TBC1D32: variants seen among roughly 807,000 people sequenced by gnomAD.
TBC1D32 encodes the protein TBC1 domain family member 32.
In TBC1D32, 151 loss-of-function variants were observed where a neutral mutation model predicts 170.3. The ratio of observed to expected loss-of-function variants is 0.89; its 90% CI spans 0.78 to 1.01. The LOEUF (loss-of-function observed/expected upper bound fraction) is 1.01. Ranked by LOEUF, TBC1D32 falls within the 50% of genes least tolerant of loss-of-function variation. TBC1D32 has a pLI of 0.00. For synonymous variants in TBC1D32, 498 were observed against 488.0 expected (o/e 1.02, Z -0.27); for missense variants, 1,464 against 1,457.1 (o/e 1.00, Z -0.08).
chr6:121,118,519 T>A (rs1176417748), intron 26 of TBC1D32, among the ~76,000 whole-genome samples: 1 of 152,194 alleles, frequency 6.6e-6, no homozygotes, highest in Non-Finnish European at 1.5e-5. Flanking sequence ...CTGTTTTTGG[T>A]TTGCAAAGCT....
Position 121,256,240 on chromosome 6 carries a change from G to A in TBC1D32, c.1779C>T (p.Leu593=), listed in dbSNP as rs370038365. ...CAGAAAATATAGAAATATCTTCATC[G>A]AGAAGTTTTTTCGAAAACTGGGCAA... is the stretch of plus-strand genomic sequence containing the variant. The part of the protein sequence containing the change: ...HIIAQFSKKL[L]DEDISIFSGS... The change falls in exon 16 of 32, where the codon CTC becomes CTT. Residue 593 remains leucine, a synonymous_variant. Transcript: ENST00000398212. 3.2e-5 allele frequency: 51 copies of A among 1,613,410 alleles called. No homozygotes were observed. The highest frequency in any genetic ancestry group is 6.7e-5 in the African/African-American group (5 of 74,848).
At chr6:121,193,955 T>C (rs1026714908) in intron 22 of TBC1D32, among the ~76,000 whole-genome samples, 3 of 152,144 alleles carry the variant, frequency 2.0e-5, no homozygotes, top group African/African-American at 7.2e-5. Flanking sequence ...TGAATATTTC[T>C]CCCATCCTTC....
At chr6:121,208,339 G>T (rs1792563706) in intron 21 of TBC1D32, among the ~76,000 whole-genome samples, 1 of 152,082 alleles carries the variant, frequency 6.6e-6, no homozygotes, top group East Asian at 1.9e-4. Flanking sequence ...TGCAATCATG[G>T]TGGAGGGGAA....
intron 21 of TBC1D32, among the ~76,000 whole-genome samples, chr6:121,219,052 A>T (rs1474629766): frequency 6.6e-6 from 1 of 152,166 alleles, no homozygotes. Context: ...GTTCCATTAC[A>T]TTAGGGAATT....
chr6:121,111,524 A>G (rs1433836130), intron 29 of TBC1D32, among the ~76,000 whole-genome samples: 2 of 152,174 alleles, frequency 1.3e-5, no homozygotes, highest in Non-Finnish European at 2.9e-5. Flanking sequence ...ATTCTGGTTA[A>G]CAGCAGGAAA....
At chr6:121,099,012 C>A (rs1169216189) in intron 30 of TBC1D32, among the ~76,000 whole-genome samples, 3 of 151,946 alleles carry the variant, frequency 2.0e-5, no homozygotes, top group Non-Finnish European at 4.4e-5. Flanking sequence ...TATAATTTTA[C>A]ATTTTCAAAA....
chr6:121,189,264 A>C (rs1168564063), intron 22 of TBC1D32, among the ~76,000 whole-genome samples: 1 of 152,064 alleles, frequency 6.6e-6, no homozygotes, highest in African/African-American at 2.4e-5. Context: ...AAATCACAGC[A>C]TACTCAATCA....
rs747354586 is a variant in TBC1D32 at position 121,256,103 on chromosome 6, A to G, written c.1916T>C (p.Ile639Thr). The G allele has an allele frequency of 3.7e-6, 6 of 1,612,432 alleles. No individual in the cohort carries two copies. The Admixed American group carries it at 8.4e-5, about 23-fold the overall frequency. Residue 639 changes from isoleucine (I) to threonine (T), a missense_variant, in exon 16 of 32, where the codon ATA becomes ACA. By Grantham distance (89) the Ile-to-Thr change is moderately conservative. Around this residue, in one of 3 missense-constraint regions of TBC1D32, gnomAD observed 1,363 missense variants for 1,338.1 expected, o/e 1.02. Coordinates refer to ENST00000398212, the MANE Select transcript of TBC1D32 (RefSeq NM_152730.6). ...VLITYNLHES[I>T]AKAWKKTSLL... ...ACTTACCTTTTTCCATGCCTTTGCT[A>G]TAGATTCATGCAAATTATAAGTGAT...
At chr6:121,121,391 A>T (rs752704054) in intron 26 of TBC1D32, among the ~76,000 whole-genome samples, 17 of 152,084 alleles carry the variant, frequency 1.1e-4, no homozygotes, top group Non-Finnish European at 2.1e-4. Context: ...TAAATAACAC[A>T]TATTTGAATG....
intron 22 of TBC1D32, among the ~76,000 whole-genome samples, chr6:121,202,638 T>C (rs759433066): frequency 6.6e-6 from 1 of 151,004 alleles, no homozygotes; most frequent in Non-Finnish European, 1.5e-5. Context: ...TTTCTTTGGG[T>C]GGTTTGTTGT....
At chr6:121,148,820 G>T (rs1033296309) in intron 24 of TBC1D32, among the ~76,000 whole-genome samples, 2 of 152,006 alleles carry the variant, frequency 1.3e-5, no homozygotes, top group African/African-American at 4.8e-5. Context: ...CACCATGTTG[G>T]CCAGGCTGGT....
chr6:121,212,779 G>T (rs1207153805), intron 21 of TBC1D32, among the ~76,000 whole-genome samples: 1 of 152,050 alleles, frequency 6.6e-6, no homozygotes, highest in Non-Finnish European at 1.5e-5. Flanking sequence ...TATCTTTGAT[G>T]AACTTGATGC....
At chr6:121,130,207 C>T (rs549886963) in intron 25 of TBC1D32, among the ~76,000 whole-genome samples, 7 of 152,142 alleles carry the variant, frequency 4.6e-5, no homozygotes, top group Admixed American at 2.0e-4. Context: ...ATAGGCAGGG[C>T]GCGGTGGCTC....
chr6:121,234,414 AT>A (rs1457751437), intron 20 of TBC1D32, among the ~76,000 whole-genome samples: 3 of 151,660 alleles, frequency 2.0e-5, no homozygotes, highest in Non-Finnish European at 4.4e-5. Context: ...ATTTTTAAAA[AT>A]TTTTTTCTTT....
At chr6:121,236,860 T>C (rs1021932545) in intron 20 of TBC1D32, 1 of 152,068 alleles carries the variant, frequency 6.6e-6, no homozygotes, top group African/African-American at 2.4e-5. Context: ...CGATTTTATT[T>C]CTAAGTACAA....
chr6:121,080,579 C>A lies in TBC1D32; in HGVS notation c.*192G>T, dbSNP rs1775543021. The A allele has an allele frequency of 2.9e-6, 2 of 684,480 alleles. No individual in the cohort carries two copies. The highest frequency in any genetic ancestry group is 2.8e-5 in the South Asian group (1 of 36,066). The allele number at this position is 684,480 out of a possible 1,614,324, so 42.4% of individuals were successfully genotyped here. A position where few individuals can be genotyped will look rare whatever the true frequency, so the allele number is the denominator to read the frequency against. On this transcript the variant is annotated 3_prime_UTR_variant, in exon 32 of 32. Transcript: ENST00000398212. ...TAGATCTGATTCTATAATAACCTTA[C>A]AAAACAACAAATTTACAAAAATGAA... is the stretch of plus-strand genomic sequence containing the variant.
chr6:121,322,919 T>C (rs1037851365), intron 1 of TBC1D32, among the ~76,000 whole-genome samples: 6 of 152,156 alleles, frequency 3.9e-5, no homozygotes, highest in Admixed American at 3.3e-4. Flanking sequence ...CTGATGACAT[T>C]ATGCTATAAT....
In TBC1D32 at chr6:121,113,123, C is replaced by A; in HGVS notation, c.3108G>T (p.Trp1036Cys). The change falls in exon 28 of 32, where the codon TGG becomes TGT. Residue 1036 changes from tryptophan to cysteine, a missense_variant. Transcript: ENST00000398212. ...LKDGAENDLT[W>C]VLKHCERFLK... Reference sequence around the variant, plus strand: ...GGAATCTCTCACAATGCTTTAAAACCCAGGTAAGATCATTTTCTGCACCAT... The same window carrying A: ...GGAATCTCTCACAATGCTTTAAAACACAGGTAAGATCATTTTCTGCACCAT... 1 of 1,611,472 alleles carries A rather than the reference C, an allele frequency of 6.2e-7. No individual in the cohort carries two copies. Among genetic ancestry groups the A allele is most frequent in the East Asian group, 2.2e-5 (1 of 44,632 alleles).
intron 30 of TBC1D32, among the ~76,000 whole-genome samples, chr6:121,101,747 G>A (rs1436490472): frequency 1.3e-5 from 2 of 152,082 alleles, no homozygotes; most frequent in East Asian, 1.9e-4. Flanking sequence ...GGGCATTCAG[G>A]CAAGAGAAAG....
Sources: allele counts gnomAD v4.1 joint callset (sites outside exome capture counted in the v4.1 genomes callset), GRCh38; gene constraint gnomAD v4.1.1; regional missense constraint gnomAD v4.1.1; transcripts MANE v1.5; gene names NCBI Gene and HGNC (gene_info 2026-07-23, HGNC 2026-07-21).